Variants in ZNF804A observed in about 807,000 individuals in gnomAD.
ZNF804A encodes the protein zinc finger protein 804A.
ZNF804A carries 2 observed loss-of-function variants against 16.5 expected under a neutral mutation model. The observed-to-expected ratio is 0.12, with a 90% CI of 0.05 to 0.38. The LOEUF is 0.38. Ranked by LOEUF, ZNF804A falls within the 10% of genes least tolerant of loss-of-function variation. The probability of loss-of-function intolerance (pLI) is 0.99; values close to 1 mark genes in which losing one functional copy is unlikely to be tolerated. For synonymous variants in ZNF804A, 534 were observed against 489.6 expected, an observed-to-expected ratio of 1.09 and a Z score of -1.20; for missense variants, 1,473 against 1,390.7, an observed-to-expected ratio of 1.06 and a Z score of -0.94.
chr2:184,918,229 G>A, intron 2 of ZNF804A, among the ~76,000 whole-genome samples: 1 of 152,080 alleles, frequency 6.6e-6, no homozygotes. Context: ...TGTTGATTCA[G>A]AGACATAAGG....
intron 3 of ZNF804A, 102 bp downstream of exon 3, chr2:184,933,835 C>A: frequency 1.7e-6 from 2 of 1,176,168 alleles, no homozygotes; most frequent in Non-Finnish European, 2.3e-6. Flanking sequence ...TTACTGTACC[C>A]AGAATAAGGC....
intron 1 of ZNF804A, among the ~76,000 whole-genome samples, chr2:184,822,634 T>A (rs1207809425): frequency 1.3e-5 from 2 of 151,940 alleles, no homozygotes; most frequent in Admixed American, 1.3e-4. Flanking sequence ...TTTGAGCAGA[T>A]TTTTTTTGAG....
intron 2 of ZNF804A, among the ~76,000 whole-genome samples, chr2:184,906,637 G>A (rs1407463972): frequency 2.0e-5 from 3 of 151,940 alleles, no homozygotes; most frequent in African/African-American, 4.8e-5. Flanking sequence ...TTTATTCTCT[G>A]TGGTAGGTGG....
chr2:184,887,418 C>A (rs1684910021), intron 2 of ZNF804A, among the ~76,000 whole-genome samples: 1 of 152,186 alleles, frequency 6.6e-6, no homozygotes, highest in Non-Finnish European at 1.5e-5. Flanking sequence ...TGCCTATTAC[C>A]CAATTTCAAA....
At chr2:184,898,634 C>G (rs1362310147) in intron 2 of ZNF804A, among the ~76,000 whole-genome samples, 4 of 151,870 alleles carry the variant, frequency 2.6e-5, no homozygotes, top group African/African-American at 4.8e-5. Flanking sequence ...TATATTTTAC[C>G]TTTCTCTAGA....
At chr2:184,907,717 G>A (rs1361660298) in intron 2 of ZNF804A, among the ~76,000 whole-genome samples, 1 of 152,072 alleles carries the variant, frequency 6.6e-6, no homozygotes, top group Non-Finnish European at 1.5e-5. Flanking sequence ...GAATATGATA[G>A]AGATTTAGGC....
At chr2:184,752,068 C>T (rs1016281148) in intron 1 of ZNF804A, among the ~76,000 whole-genome samples, 12 of 151,644 alleles carry the variant, frequency 7.9e-5, no homozygotes, top group South Asian at 2.1e-4. Flanking sequence ...GAAAACAGTA[C>T]GGAGATTTCT....
chr2:184,802,942 G>A (rs1259687886), intron 1 of ZNF804A, among the ~76,000 whole-genome samples: 1 of 152,118 alleles, frequency 6.6e-6, no homozygotes, highest in African/African-American at 2.4e-5. Flanking sequence ...CCTTAGGAAA[G>A]TGATTTTACT....
intron 1 of ZNF804A, among the ~76,000 whole-genome samples, chr2:184,860,743 T>C (rs1466052281): frequency 6.6e-6 from 1 of 152,216 alleles, no homozygotes; most frequent in Non-Finnish European, 1.5e-5. Flanking sequence ...TGGACCTGGA[T>C]CCTGTGTCTG....
At chr2:184,849,245 C>G (rs1045493238) in intron 1 of ZNF804A, among the ~76,000 whole-genome samples, 2 of 151,904 alleles carry the variant, frequency 1.3e-5, no homozygotes, top group Non-Finnish European at 1.5e-5. Context: ...CAGTATGGAG[C>G]GGGATTTTGC....
chr2:184,601,929 T>C (rs1691055904), intron 1 of ZNF804A, among the ~76,000 whole-genome samples: 1 of 151,976 alleles, frequency 6.6e-6, no homozygotes, highest in African/African-American at 2.4e-5. Flanking sequence ...ACAGGATTAA[T>C]TTAAGTTAGC....
At chr2:184,829,707 A>T (rs1695228255) in intron 1 of ZNF804A, among the ~76,000 whole-genome samples, 1 of 151,642 alleles carries the variant, frequency 6.6e-6, no homozygotes, top group African/African-American at 2.4e-5. Flanking sequence ...ATCTTTGGAG[A>T]TTAAGATTTT....
chr2:184,651,136 G>A (rs1362388138), intron 1 of ZNF804A, among the ~76,000 whole-genome samples: 3 of 151,940 alleles, frequency 2.0e-5, no homozygotes, highest in Non-Finnish European at 2.9e-5. Context: ...CAGAAAAAAA[G>A]CCATACACCT....
intron 1 of ZNF804A, among the ~76,000 whole-genome samples, chr2:184,650,737 A>G (rs1011069176): frequency 6.6e-6 from 1 of 152,156 alleles, no homozygotes; most frequent in Non-Finnish European, 1.5e-5. Flanking sequence ...CTAGGAATAC[A>G]TGTAACCAGA....
chr2:184,925,487 A>G lies in ZNF804A; in HGVS notation c.256-8116A>G, dbSNP rs144673160. On this transcript the variant is annotated intron_variant, in intron 2 of 3. Transcript: ENST00000302277. ...TTGGATCTCGGGTTTTTTTAAAAAA[A>G]TTAATTTAGCCATTCTGTCTTTTGA... Among the ~76,000 whole-genome samples the G allele has an allele frequency of 1.2e-4, 18 of 151,920 alleles. No homozygotes were observed. The East Asian group carries it at 3.5e-3, about 29-fold the overall frequency.
intron 2 of ZNF804A, among the ~76,000 whole-genome samples, chr2:184,874,583 A>C (rs749839623): frequency 2.6e-5 from 4 of 152,178 alleles, no homozygotes; most frequent in African/African-American, 4.8e-5. Context: ...TTTCCTAAAA[A>C]AAATTAAAAT....
At chr2:184,896,057 T>G (rs534202866) in intron 2 of ZNF804A, among the ~76,000 whole-genome samples, 69 of 152,296 alleles carry the variant, frequency 4.5e-4, no homozygotes, top group African/African-American at 1.5e-3. Context: ...GGAGACATTG[T>G]GTAATGTTAT....
At chr2:184,915,604 T>C (rs1310367731) in intron 2 of ZNF804A, among the ~76,000 whole-genome samples, 1 of 152,140 alleles carries the variant, frequency 6.6e-6, no homozygotes, top group Non-Finnish European at 1.5e-5. Flanking sequence ...GAGACACTTC[T>C]GATCCAGCAC....
chr2:184,895,683 C>G (rs1217755117), intron 2 of ZNF804A, among the ~76,000 whole-genome samples: 2 of 152,310 alleles, frequency 1.3e-5, no homozygotes, highest in South Asian at 2.1e-4. Context: ...AATGTACTTG[C>G]AATTCTCAAC....
Sources: allele counts gnomAD v4.1 joint callset (sites outside exome capture counted in the v4.1 genomes callset), GRCh38; gene constraint gnomAD v4.1.1; transcripts MANE v1.5; gene names NCBI Gene and HGNC (gene_info 2026-07-23, HGNC 2026-07-21).